The following ENTREP2 variants were observed in gnomAD, a reference collection of about 807,000 sequenced individuals.
ENTREP2 encodes the protein endosomal transmembrane epsin interactor 2, also known as protein ENTREP2.
chr15:29,257,253 AGTAGAGAC>A, the ENTREP2 span, among the ~76,000 whole-genome samples: 1 of 152,006 alleles, frequency 6.6e-6, no homozygotes, highest in Non-Finnish European at 1.5e-5. Context: ...TTGTATTTTT[AGTAGAGAC>A]GGGGTTTCTC....
At chr15:29,438,158 A>G in the ENTREP2 span, among the ~76,000 whole-genome samples, 2 of 152,198 alleles carry the variant, frequency 1.3e-5, no homozygotes, top group African/African-American at 2.4e-5. Flanking sequence ...CTGTATCTTC[A>G]AAAAAGGAAA....
chr15:29,371,966 A>G, the ENTREP2 span, among the ~76,000 whole-genome samples: 1 of 152,212 alleles, frequency 6.6e-6, no homozygotes, highest in Non-Finnish European at 1.5e-5. Flanking sequence ...ATACAATCAA[A>G]GAATTAATGG....
chr15:29,497,885 C>T, the ENTREP2 span, among the ~76,000 whole-genome samples: 3 of 152,058 alleles, frequency 2.0e-5, no homozygotes, highest in African/African-American at 7.2e-5. Context: ...TGAGATCTTT[C>T]ATTTTTCTTC....
chr15:29,151,627 TG>T, the ENTREP2 span: 1 of 842,918 alleles, frequency 1.2e-6, no homozygotes, highest in Non-Finnish European at 1.9e-6. Context: ...CCAGGTGCCA[TG>T]GACTGTCAGG....
chr15:29,184,369 T>C, the ENTREP2 span, among the ~76,000 whole-genome samples: 1 of 152,194 alleles, frequency 6.6e-6, no homozygotes, highest in Admixed American at 6.5e-5. Flanking sequence ...AGGGCACCGC[T>C]GGTCATTTGC....
the ENTREP2 span, among the ~76,000 whole-genome samples, chr15:29,486,690 AAAAC>A: frequency 7.9e-5 from 12 of 152,298 alleles, no homozygotes; most frequent in African/African-American, 2.4e-4. Flanking sequence ...ACTCTGCCTC[AAAAC>A]AAACAAACAA....
chr15:29,196,892 T>C, the ENTREP2 span, among the ~76,000 whole-genome samples: 1 of 152,248 alleles, frequency 6.6e-6, no homozygotes, highest in Non-Finnish European at 1.5e-5. Flanking sequence ...TGCACGGAGA[T>C]GTGCTATCCT....
chr15:29,313,779 C>T, the ENTREP2 span, among the ~76,000 whole-genome samples: 1 of 152,130 alleles, frequency 6.6e-6, no homozygotes, highest in Non-Finnish European at 1.5e-5. Context: ...ATGCATTTCA[C>T]AAAGCTAGAG....
At chr15:29,644,263 C>T in the ENTREP2 span, among the ~76,000 whole-genome samples, 7,044 of 152,110 alleles carry the variant, frequency 0.046, 188 homozygotes, top group South Asian at 0.065. Flanking sequence ...AGTAGATTAC[C>T]GGTTGCCAAG....
chr15:29,370,054 T>C, the ENTREP2 span, among the ~76,000 whole-genome samples: 2 of 152,188 alleles, frequency 1.3e-5, no homozygotes, highest in Non-Finnish European at 2.9e-5. Flanking sequence ...TTAAATAAAT[T>C]ACCCAATCTC....
At chr15:29,323,894 T>C in the ENTREP2 span, among the ~76,000 whole-genome samples, 1 of 152,058 alleles carries the variant, frequency 6.6e-6, no homozygotes, top group Admixed American at 6.6e-5. Context: ...TGAACCAGTA[T>C]TGTGTTATTT....
At chr15:29,280,909 C>T in the ENTREP2 span, among the ~76,000 whole-genome samples, 15 of 152,022 alleles carry the variant, frequency 9.9e-5, no homozygotes, top group Non-Finnish European at 1.8e-4. Flanking sequence ...TAATCCCACA[C>T]GTTTGAGAGA....
chr15:29,416,449 G>A, the ENTREP2 span, among the ~76,000 whole-genome samples: 3 of 152,194 alleles, frequency 2.0e-5, no homozygotes, highest in South Asian at 2.1e-4. Context: ...GTCATATGCA[G>A]AAAGCTGAAA....
the ENTREP2 span, among the ~76,000 whole-genome samples, chr15:29,295,623 A>G: frequency 6.6e-6 from 1 of 152,262 alleles, no homozygotes; most frequent in African/African-American, 2.4e-5. Flanking sequence ...AAAACAGAAC[A>G]ATTATAACAA....
chr15:29,470,266 A>G, the ENTREP2 span, among the ~76,000 whole-genome samples: 1 of 152,174 alleles, frequency 6.6e-6, no homozygotes, highest in Non-Finnish European at 1.5e-5. Context: ...TGTGTGGTTG[A>G]GCATCCGGAG....
At chr15:29,146,950 C>A in the ENTREP2 span, among the ~76,000 whole-genome samples, 5 of 151,266 alleles carry the variant, frequency 3.3e-5, no homozygotes, top group African/African-American at 9.7e-5. Flanking sequence ...AAAAAAAAAA[C>A]CAAAAAACCC....
chr15:29,634,123 C>A, the ENTREP2 span, among the ~76,000 whole-genome samples: 1 of 152,090 alleles, frequency 6.6e-6, no homozygotes, highest in Non-Finnish European at 1.5e-5. Context: ...GAGACGAGGT[C>A]TTCAGATGCC....
chr15:29,197,684 T>C, the ENTREP2 span, among the ~76,000 whole-genome samples: 1 of 151,742 alleles, frequency 6.6e-6, no homozygotes. Flanking sequence ...GAGAATCGCT[T>C]GAACCCAGGA....
At chr15:29,491,043 G>A in the ENTREP2 span, among the ~76,000 whole-genome samples, 75 of 152,326 alleles carry the variant, frequency 4.9e-4, no homozygotes, top group African/African-American at 1.6e-3. Flanking sequence ...CTGAGGCCCC[G>A]CGAGAATTCG....
Sources: gnomAD v4.1 joint callset for allele counts (sites outside exome capture counted in the v4.1 genomes callset) on GRCh38, gnomAD v4.1.1 for gene constraint, MANE v1.5 for transcripts, NCBI Gene and HGNC (gene_info 2026-07-23, HGNC 2026-07-21) for gene names.